KCTD8: variants seen among roughly 807,000 people sequenced by gnomAD.
KCTD8 encodes BTB/POZ domain-containing protein KCTD8.
KCTD8 carries 27 observed loss-of-function variants against 31.5 expected under a neutral mutation model. The ratio of observed to expected loss-of-function variants is 0.86; its 90% CI spans 0.63 to 1.18. The LOEUF is 1.18. Ranked by LOEUF, KCTD8 falls within the 50% of genes most tolerant of loss-of-function variation. The pLI, the probability that KCTD8 is intolerant of heterozygous loss-of-function variation, is 0.00. For synonymous variants in KCTD8, 290 were observed against 280.0 expected, an observed-to-expected ratio of 1.04 and a Z score of -0.36; for missense variants, 658 against 647.7, an observed-to-expected ratio of 1.02 and a Z score of -0.17.
At chr4:44,199,530 T>G (rs1046221308) in intron 1 of KCTD8, among the ~76,000 whole-genome samples, 1 of 152,036 alleles carries the variant, frequency 6.6e-6, no homozygotes, top group Non-Finnish European at 1.5e-5. Flanking sequence ...TATGTGGAAA[T>G]TAATCAACTT....
chr4:44,393,215 T>C (rs1437081263), intron 1 of KCTD8, among the ~76,000 whole-genome samples: 1 of 152,020 alleles, frequency 6.6e-6, no homozygotes, highest in African/African-American at 2.4e-5. Context: ...ACTGTAGGTC[T>C]GATGGCTCTT....
chr4:44,238,063 T>G (rs1715342720), intron 1 of KCTD8, among the ~76,000 whole-genome samples: 1 of 152,208 alleles, frequency 6.6e-6, no homozygotes, highest in Non-Finnish European at 1.5e-5. Flanking sequence ...TAAACTTTTC[T>G]TCTATTATGG....
chr4:44,403,765 C>T (rs1388522358), intron 1 of KCTD8, among the ~76,000 whole-genome samples: 2 of 152,084 alleles, frequency 1.3e-5, no homozygotes, highest in African/African-American at 4.8e-5. Context: ...AGGACTTCAA[C>T]ATATGAATTT....
At chr4:44,217,705 T>C (rs1378916673) in intron 1 of KCTD8, among the ~76,000 whole-genome samples, 1 of 152,128 alleles carries the variant, frequency 6.6e-6, no homozygotes, top group Non-Finnish European at 1.5e-5. Context: ...GCTTGCTGAG[T>C]CTTCTGGCTT....
chr4:44,320,186 AAAAAAAAAAAAAAGAG>A (rs1449688825), intron 1 of KCTD8, among the ~76,000 whole-genome samples: 9 of 148,942 alleles, frequency 6.0e-5, no homozygotes, highest in Non-Finnish European at 1.2e-4. Flanking sequence ...AAAAAAAAAA[AAAAAAAAAAAAAAGAG>A]AGAGAGAATT....
intron 1 of KCTD8, among the ~76,000 whole-genome samples, chr4:44,335,813 C>A (rs1718724033): frequency 6.6e-6 from 1 of 151,990 alleles, no homozygotes; most frequent in South Asian, 2.1e-4. Context: ...TCCTTTGATT[C>A]AACGAAATGA....
At chr4:44,245,669 T>A in intron 1 of KCTD8, among the ~76,000 whole-genome samples, 1 of 152,002 alleles carries the variant, frequency 6.6e-6, no homozygotes, top group East Asian at 1.9e-4. Context: ...TGTAGTCTAA[T>A]CAGTGTTAAA....
chr4:44,358,051 C>T lies in KCTD8; in HGVS notation c.961+89512G>A, dbSNP rs189386870. Among the ~76,000 whole-genome samples, 13 of 152,012 alleles carry T rather than the reference C, an allele frequency of 8.6e-5. No individual in the cohort carries two copies. The East Asian group carries it at 1.6e-3, about 18-fold the overall frequency. ...CTCCTAATGTTATCCCTCCCCTAGC[C>T]CCCCACCCCCCAAAGCCCAGGTGCA... On this transcript the variant is annotated intron_variant, in intron 1 of 1. Transcript: ENST00000360029.
At chr4:44,278,911 G>A (rs1716822889) in intron 1 of KCTD8, among the ~76,000 whole-genome samples, 1 of 152,030 alleles carries the variant, frequency 6.6e-6, no homozygotes, top group African/African-American at 2.4e-5. Flanking sequence ...GTGACTGCCA[G>A]GCTATCTCCT....
chr4:44,298,593 T>C (rs1717514138), intron 1 of KCTD8, among the ~76,000 whole-genome samples: 1 of 152,052 alleles, frequency 6.6e-6, no homozygotes, highest in African/African-American at 2.4e-5. Context: ...CAATAAGAAA[T>C]AGCTCCCTGG....
At chr4:44,436,211 T>A (rs1721639953) in intron 1 of KCTD8, among the ~76,000 whole-genome samples, 1 of 152,050 alleles carries the variant, frequency 6.6e-6, no homozygotes, top group Non-Finnish European at 1.5e-5. Context: ...AGAAGTTGAA[T>A]ATAGTCATGG....
At chr4:44,322,947 T>C (rs1718334809) in intron 1 of KCTD8, among the ~76,000 whole-genome samples, 1 of 152,036 alleles carries the variant, frequency 6.6e-6, no homozygotes, top group Admixed American at 6.5e-5. Context: ...GATAAATGTG[T>C]CTGTTATTAT....
intron 1 of KCTD8, among the ~76,000 whole-genome samples, chr4:44,358,730 G>A (rs941830919): frequency 5.9e-5 from 9 of 151,896 alleles, no homozygotes; most frequent in Admixed American, 1.3e-4. Flanking sequence ...CACCACACCC[G>A]GTTAATTTTT....
At chr4:44,436,432 G>C (rs1553908140) in intron 1 of KCTD8, among the ~76,000 whole-genome samples, 1 of 151,534 alleles carries the variant, frequency 6.6e-6, no homozygotes, top group African/African-American at 2.4e-5. Flanking sequence ...TATATTAACA[G>C]AAAAAAAGAC....
intron 1 of KCTD8, among the ~76,000 whole-genome samples, chr4:44,268,873 G>T (rs1385869801): frequency 1.3e-5 from 2 of 151,908 alleles, no homozygotes; most frequent in Non-Finnish European, 1.5e-5. Flanking sequence ...ACAAACCACT[G>T]CTCAATGAAA....
intron 1 of KCTD8, among the ~76,000 whole-genome samples, chr4:44,442,492 C>T (rs1721837921): frequency 6.6e-6 from 1 of 152,066 alleles, no homozygotes; most frequent in Non-Finnish European, 1.5e-5. Flanking sequence ...GAGGCCGAGG[C>T]AGGAGAATGA....
At chr4:44,249,229 TG>T (rs1214790339) in intron 1 of KCTD8, among the ~76,000 whole-genome samples, 1 of 151,830 alleles carries the variant, frequency 6.6e-6, no homozygotes, top group Non-Finnish European at 1.5e-5. Flanking sequence ...TATAGGTTAA[TG>T]AATTTTTTCT....
chr4:44,388,436 A>G (rs142077565), intron 1 of KCTD8, among the ~76,000 whole-genome samples: 143 of 152,128 alleles, frequency 9.4e-4, no homozygotes, highest in African/African-American at 3.2e-3. Flanking sequence ...TTACAATAGC[A>G]AAGACATGGA....
chr4:44,233,202 T>A (rs896909587), intron 1 of KCTD8, among the ~76,000 whole-genome samples: 1 of 152,190 alleles, frequency 6.6e-6, no homozygotes, highest in Non-Finnish European at 1.5e-5. Context: ...CTCTTCATTT[T>A]AGTTATCTTT....
Sources: gnomAD v4.1 joint callset for allele counts (sites outside exome capture counted in the v4.1 genomes callset) on GRCh38, gnomAD v4.1.1 for gene constraint, MANE v1.5 for transcripts, NCBI Gene and HGNC (gene_info 2026-07-23, HGNC 2026-07-21) for gene names.